The following P3H2 variants were observed in gnomAD, a reference collection of about 807,000 sequenced individuals.
P3H2 encodes leprecan-like 1.
In P3H2, 80 loss-of-function variants were observed where a neutral mutation model predicts 87.0. The observed-to-expected ratio is 0.92, with a 90% confidence interval of 0.77 to 1.11. The LOEUF (loss-of-function observed/expected upper bound fraction) is 1.11. Ranked by LOEUF, P3H2 falls within the 50% of genes least tolerant of loss-of-function variation. P3H2 has a pLI of 0.00. For missense variants in P3H2, 1,001 were observed against 923.9 expected (o/e 1.08, Z -1.08); for synonymous variants, 367 against 359.3 (o/e 1.02, Z -0.24).
chr3:189,984,729 C>A (rs558862180), intron 6 of P3H2, 139 bp from the exon 7 acceptor site: 4 of 608,266 alleles, frequency 6.6e-6, no homozygotes, highest in Non-Finnish European at 1.1e-5. Flanking sequence ...TGTAAAGATA[C>A]AATATATTTA....
At chr3:190,023,240 C>T (rs1724986216) in intron 1 of P3H2, among the ~76,000 whole-genome samples, 1 of 152,164 alleles carries the variant, frequency 6.6e-6, no homozygotes, top group Admixed American at 6.5e-5. Context: ...ATTAAATAGC[C>T]TTACTCAATT....
At chr3:190,084,067 T>A (rs144993427) in intron 1 of P3H2, among the ~76,000 whole-genome samples, 70 of 152,360 alleles carry the variant, frequency 4.6e-4, no homozygotes, top group African/African-American at 1.7e-3. Flanking sequence ...ATGATTTAAA[T>A]GGTGGCATAT....
chr3:190,008,947 A>AT (rs1210376767), intron 1 of P3H2, among the ~76,000 whole-genome samples: 1 of 152,108 alleles, frequency 6.6e-6, no homozygotes, highest in Non-Finnish European at 1.5e-5. Context: ...AAGAAATTCT[A>AT]TAAGTATTCA....
At chr3:190,025,392 G>A (rs557843668) in intron 1 of P3H2, among the ~76,000 whole-genome samples, 1 of 152,090 alleles carries the variant, frequency 6.6e-6, no homozygotes, top group African/African-American at 2.4e-5. Context: ...TGGTGAGTTA[G>A]TCAAGACTGT....
chr3:190,026,723 T>C (rs1314229529), intron 1 of P3H2, among the ~76,000 whole-genome samples: 2 of 152,240 alleles, frequency 1.3e-5, no homozygotes, highest in Non-Finnish European at 2.9e-5. Context: ...CTTTGTTCTG[T>C]GCAGTCACCC....
At chr3:190,109,305 G>A (rs66501918) in intron 1 of P3H2, among the ~76,000 whole-genome samples, 1 of 151,614 alleles carries the variant, frequency 6.6e-6, no homozygotes, top group African/African-American at 2.4e-5. Flanking sequence ...CTTTCTTTCT[G>A]TCTCTAATAT....
intron 3 of P3H2, among the ~76,000 whole-genome samples, chr3:189,990,060 T>C (rs1723830908): frequency 7.2e-6 from 1 of 137,956 alleles, no homozygotes; most frequent in South Asian, 2.4e-4. Context: ...TTACCACAAC[T>C]GCCTTTTTTT....
intron 1 of P3H2, among the ~76,000 whole-genome samples, chr3:190,014,069 G>T (rs1450466460): frequency 2.0e-5 from 3 of 152,152 alleles, no homozygotes; most frequent in Non-Finnish European, 4.4e-5. Context: ...TGATTTATGA[G>T]AAGTATTTAT....
At chr3:189,993,257 G>C (rs752089153) in intron 3 of P3H2, among the ~76,000 whole-genome samples, 11 of 150,818 alleles carry the variant, frequency 7.3e-5, no homozygotes, top group East Asian at 2.0e-4. Flanking sequence ...GGGAGGCAGA[G>C]GTTGCAGTGA....
chr3:189,985,717 C>G (rs1293718803), intron 6 of P3H2, among the ~76,000 whole-genome samples: 2 of 151,552 alleles, frequency 1.3e-5, no homozygotes, highest in Non-Finnish European at 2.9e-5. Context: ...AATAATTCCA[C>G]TCTTAAGAAT....
At chr3:190,053,032 CAGA>C (rs1205703599) in intron 1 of P3H2, among the ~76,000 whole-genome samples, 1 of 152,176 alleles carries the variant, frequency 6.6e-6, no homozygotes, top group South Asian at 2.1e-4. Context: ...TTCTTTCACT[CAGA>C]AGAACTATTT....
rs543548028 is a variant in P3H2 at position 190,087,202 on chromosome 3, A to G, written c.480+33050T>C. On this transcript the variant is annotated intron_variant, in intron 1 of 14. Coordinates refer to ENST00000319332, the MANE Select transcript of P3H2 (RefSeq NM_018192.4). Reference sequence around the variant, plus strand: ...TCTATAAAAATACTTTTCAAATTCTATCACTGCTGTTTATACATCTGTATC... The same window carrying G: ...TCTATAAAAATACTTTTCAAATTCTGTCACTGCTGTTTATACATCTGTATC... Among the ~76,000 whole-genome samples, 71 of 152,326 alleles carry G rather than the reference A, an allele frequency of 4.7e-4. No homozygotes were observed. In the Middle Eastern group the frequency reaches 0.01, roughly 22 times the overall value.
intron 13 of P3H2, among the ~76,000 whole-genome samples, chr3:189,967,287 G>T (rs710541): frequency 0.21 from 32,152 of 151,052 alleles, 3,669 homozygotes; most frequent in Non-Finnish European, 0.27. Flanking sequence ...GTTAGATTCT[G>T]GGTTTTTAAA....
upstream of P3H2, chr3:190,122,237 A>G (rs550951721): frequency 6.6e-6 from 1 of 151,656 alleles, no homozygotes; most frequent in South Asian, 2.1e-4. Context: ...CAATCTAGGA[A>G]TGAGAAAGCT....
intron 1 of P3H2, among the ~76,000 whole-genome samples, chr3:190,067,284 G>A (rs1162970341): frequency 6.6e-6 from 1 of 152,066 alleles, no homozygotes; most frequent in Non-Finnish European, 1.5e-5. Flanking sequence ...AATAAAAAGT[G>A]AAGGAAGAGA....
chr3:190,016,536 A>T (rs957282417), intron 1 of P3H2, among the ~76,000 whole-genome samples: 23 of 152,128 alleles, frequency 1.5e-4, no homozygotes, highest in Admixed American at 7.9e-4. Flanking sequence ...GAGCCACTGC[A>T]CCCGGCCTGC....
chr3:190,089,740 G>T (rs908544941), intron 1 of P3H2, among the ~76,000 whole-genome samples: 1 of 152,188 alleles, frequency 6.6e-6, no homozygotes, highest in South Asian at 2.1e-4. Flanking sequence ...TGTCATGCCG[G>T]ACTTTCCAAA....
chr3:190,023,665 G>A (rs1236415597), intron 1 of P3H2, among the ~76,000 whole-genome samples: 1 of 152,102 alleles, frequency 6.6e-6, no homozygotes, highest in Non-Finnish European at 1.5e-5. Context: ...AGGAGTTTTG[G>A]GTGGGGACAC....
intron 1 of P3H2, among the ~76,000 whole-genome samples, chr3:190,098,678 C>T (rs1361253038): frequency 6.6e-6 from 1 of 152,024 alleles, no homozygotes; most frequent in East Asian, 1.9e-4. Context: ...AATAGTGTCT[C>T]GTTTATTTCT....
Sources: gnomAD v4.1 joint callset for allele counts (sites outside exome capture counted in the v4.1 genomes callset) on GRCh38, gnomAD v4.1.1 for gene constraint, MANE v1.5 for transcripts, NCBI Gene and HGNC (gene_info 2026-07-23, HGNC 2026-07-21) for gene names.